The following FAM209B variants were observed in gnomAD, a reference collection of about 807,000 sequenced individuals.
The protein encoded by FAM209B is family with sequence similarity 209 member B.
A neutral mutation model predicts 8.9 loss-of-function variants in FAM209B; 8 were observed. That is an observed-to-expected ratio of 0.90 (90% CI 0.53 to 1.62). The LOEUF is 1.62. FAM209B is among the 40% of genes most tolerant of loss of function. The pLI, the probability that FAM209B is intolerant of heterozygous loss-of-function variation, is 0.00. For synonymous variants in FAM209B, 67 were observed against 75.0 expected (o/e 0.89, Z 0.55); for missense variants, 175 against 205.3 (o/e 0.85, Z 0.90).
chr20:56,534,444 G>A (rs148099272), intron 1 of FAM209B, among the ~76,000 whole-genome samples: 3,095 of 151,768 alleles, frequency 0.02, 112 homozygotes, highest in African/African-American at 0.07. Flanking sequence ...GTGAAACCTC[G>A]TCTTTACTAA....
rs1332270931 is a variant in FAM209B at position 56,533,501 on chromosome 20, G to A, written c.160G>A (p.Gly54Ser). The A allele has an allele frequency of 6.2e-7, 1 of 1,614,174 alleles. No individual in the cohort carries two copies. The highest frequency in any genetic ancestry group is 1.3e-5 in the African/African-American group (1 of 75,052). Residue 54 changes from glycine (G) to serine (S), a missense_variant, in exon 1 of 2, where the codon GGC becomes AGC. By Grantham distance (56) the Gly-to-Ser change is moderately conservative. Coordinates refer to ENST00000371325, the MANE Select transcript of FAM209B (RefSeq NM_001013646.4). Reference sequence around the variant, plus strand: ...GCAGAACCTACCAGAGCACACCCAAGGCTGGCTTGGGAGCAAATGGCTCTG... The same window carrying A: ...GCAGAACCTACCAGAGCACACCCAAAGCTGGCTTGGGAGCAAATGGCTCTG... ...IRQNLPEHTQ[G>S]WLGSKWLWLL...
At chr20:56,536,114 C>A in intron 1 of FAM209B, 58 bp from the exon 2 acceptor site, 1 of 1,407,078 alleles carries the variant, frequency 7.1e-7, no homozygotes, top group Non-Finnish European at 9.6e-7. Context: ...TGTCTTGGAA[C>A]TGTGTCAAAA....
Position 56,536,153 on chromosome 20 carries a change from T to C in FAM209B, c.250-19T>C. The C allele has an allele frequency of 1.3e-6, 2 of 1,512,988 alleles. No individual in the cohort carries two copies. The highest frequency in any genetic ancestry group is 2.3e-5 in the East Asian group (1 of 43,740). The allele number at this position is 1,512,988 out of a possible 1,614,324, so 93.7% of individuals were successfully genotyped here. A position where few individuals can be genotyped will look rare whatever the true frequency, so the allele number is the denominator to read the frequency against. On this transcript the variant is annotated intron_variant, in intron 1 of 1. Transcript: ENST00000371325. ...GCAAAGTCCATGATATTATTGACCT[T>C]GAATATCTTTCTTGACAGGAGCAGA...
intron 1 of FAM209B, among the ~76,000 whole-genome samples, chr20:56,535,240 C>G: frequency 6.7e-6 from 1 of 148,932 alleles, no homozygotes; most frequent in East Asian, 2.0e-4. Context: ...AAAAAATTAG[C>G]TGGTATGGTG....
At chr20:56,534,655 G>A (rs1474387437) in intron 1 of FAM209B, among the ~76,000 whole-genome samples, 2 of 147,598 alleles carry the variant, frequency 1.4e-5, no homozygotes, top group African/African-American at 5.1e-5. Context: ...GGCTGAGGCA[G>A]GAGAATCACT....
chr20:56,534,248 C>T (rs6024938), intron 1 of FAM209B, among the ~76,000 whole-genome samples: 103,047 of 152,058 alleles, frequency 0.68, 36,459 homozygotes, highest in African/African-American at 0.9. Context: ...TTTCCTAGTG[C>T]TTGACTTACT....
At chr20:56,536,139 G>T (rs1442200408) in intron 1 of FAM209B, 33 bp from the exon 2 acceptor site, 2 of 1,495,854 alleles carry the variant, frequency 1.3e-6, no homozygotes, top group Non-Finnish European at 1.8e-6. Context: ...CAAAGTCCAT[G>T]ATATTATTGA....
In FAM209B at chr20:56,536,157, T is replaced by C. The variant is rs761509779; in HGVS notation, c.250-15T>C. ...AGTCCATGATATTATTGACCTTGAA[T>C]ATCTTTCTTGACAGGAGCAGAGTCC... On this transcript the variant is annotated splice_polypyrimidine_tract_variant and intron_variant, in intron 1 of 1. Coordinates refer to ENST00000371325, the MANE Select transcript of FAM209B (RefSeq NM_001013646.4). 1.1e-5 allele frequency: 17 copies of C among 1,515,042 alleles called. No homozygotes were observed. The African/African-American group carries it at 2.4e-4, about 21-fold the overall frequency. 93.8% of individuals were successfully genotyped at this position (1,515,042 alleles called of 1,614,324 possible).
chr20:56,533,524 C>G lies in FAM209B; in HGVS notation c.183C>G (p.Leu61=). Residue 61 remains leucine (L), a synonymous_variant, in exon 1 of 2, where the codon CTC becomes CTG. Transcript: ENST00000371325. ...HTQGWLGSKW[L]WLLFAVVPFV... ...AAGGCTGGCTTGGGAGCAAATGGCT[C>G]TGGCTTTTGTTTGCTGTTGTGCCGT... 4 of 1,614,208 alleles carry G rather than the reference C, an allele frequency of 2.5e-6. 1 individual carries two copies. Among genetic ancestry groups the G allele is most frequent in the Non-Finnish European group, 3.4e-6 (4 of 1,180,040 alleles).
chr20:56,533,600 G>A lies in FAM209B; in HGVS notation c.249+10G>A, dbSNP rs751952835. ...CAGTGAGAAGAATAAGGTAAGGATG[G>A]CTCCATTTTTTTTACACCATATTGA... On this transcript the variant is annotated intron_variant, in intron 1 of 1. Transcript: ENST00000371325. 2 of 1,612,710 alleles carry A rather than the reference G, an allele frequency of 1.2e-6. No individual in the cohort carries two copies. The highest frequency in any genetic ancestry group is 4.5e-5 in the East Asian group (2 of 44,854).
At chr20:56,534,336 C>T (rs532766158) in intron 1 of FAM209B, among the ~76,000 whole-genome samples, 15 of 152,038 alleles carry the variant, frequency 9.9e-5, no homozygotes, top group East Asian at 1.9e-4. Flanking sequence ...AGGTGTAGGC[C>T]GGGCACAGTG....
chr20:56,534,910 G>A (rs556610227), intron 1 of FAM209B, among the ~76,000 whole-genome samples: 78 of 151,496 alleles, frequency 5.1e-4, no homozygotes, highest in African/African-American at 1.4e-3. Context: ...AAAATTAGGC[G>A]TAGTGGCGCA....
chr20:56,533,506 G>A lies in FAM209B; in HGVS notation c.165G>A (p.Trp55Ter). 1 of 1,614,214 alleles carries A rather than the reference G, an allele frequency of 6.2e-7. No homozygotes were observed. Residue 55 changes from tryptophan (W) to a stop codon, truncating the protein, a stop_gained, in exon 1 of 2, where the codon TGG becomes TGA. Coordinates refer to ENST00000371325, the MANE Select transcript of FAM209B (RefSeq NM_001013646.4). LOFTEE classifies it high-confidence loss of function. ...ACCTACCAGAGCACACCCAAGGCTG[G>A]CTTGGGAGCAAATGGCTCTGGCTTT... ...RQNLPEHTQG[W>*]LGSKWLWLLF...
rs779398234 is a variant in FAM209B at position 56,533,336 on chromosome 20, C to A, written c.-6C>A. ...TGAGCAACTCCCTTCCCCATCTCTGCTCACCATGTGGACGCTGAAATCGTC... is the reference window on the plus strand; with the variant it reads ...TGAGCAACTCCCTTCCCCATCTCTGATCACCATGTGGACGCTGAAATCGTC... On this transcript the variant is annotated 5_prime_UTR_variant, in exon 1 of 2. The change creates a premature stop within an existing upstream ORF in the 5' untranslated region. Transcript: ENST00000371325. The A allele has an allele frequency of 6.2e-7, 1 of 1,613,718 alleles. No individual in the cohort carries two copies. The highest frequency in any genetic ancestry group is 8.5e-7 in the Non-Finnish European group (1 of 1,179,614).
rs552367720 is a variant in FAM209B at position 56,533,391 on chromosome 20, G to A, written c.50G>A (p.Ser17Asn). Residue 17 changes from serine (S) to asparagine (N), a missense_variant, in exon 1 of 2, where the codon AGC becomes AAC. By Grantham distance (46) the Ser-to-Asn change is conservative (BLOSUM62 1). Around this residue, in one of 2 missense-constraint regions of FAM209B, gnomAD observed 9 missense variants for 30.8 expected, o/e 0.29. Transcript: ENST00000371325. ...GTCCTGCTTCTGTGCCTCACCTGCAGCTATGCCTTTATGTTCTCTTCTCTG... is the reference window on the plus strand; with the variant it reads ...GTCCTGCTTCTGTGCCTCACCTGCAACTATGCCTTTATGTTCTCTTCTCTG... ...SLVLLLCLTCSYAFMFSSLRQ... is the reference protein window; with the variant it reads ...SLVLLLCLTCNYAFMFSSLRQ... 1 of 1,614,126 alleles carries A rather than the reference G, an allele frequency of 6.2e-7. No individual in the cohort carries two copies. The highest frequency in any genetic ancestry group is 1.3e-5 in the African/African-American group (1 of 75,046).
chr20:56,536,019 C>T (rs1192502467), intron 1 of FAM209B, among the ~76,000 whole-genome samples, 153 bp from the exon 2 acceptor site: 2 of 152,116 alleles, frequency 1.3e-5, no homozygotes, highest in Non-Finnish European at 2.9e-5. Flanking sequence ...TTTACAAAAA[C>T]AGGTGGAGGG....
At chr20:56,534,866 C>T (rs1485615544) in intron 1 of FAM209B, among the ~76,000 whole-genome samples, 1 of 150,346 alleles carries the variant, frequency 6.7e-6, no homozygotes, top group African/African-American at 2.5e-5. Context: ...CCAGCCTGAC[C>T]AACATGGAGA....
At chr20:56,535,237 T>C (rs1299028592) in intron 1 of FAM209B, among the ~76,000 whole-genome samples, 2 of 148,322 alleles carry the variant, frequency 1.3e-5, no homozygotes, top group Admixed American at 6.8e-5. Context: ...AAAAAAAAAT[T>C]AGCTGGTATG....
intron 1 of FAM209B, among the ~76,000 whole-genome samples, chr20:56,534,402 G>T (rs529218245): frequency 1.5e-4 from 23 of 151,786 alleles, no homozygotes; most frequent in Non-Finnish European, 2.8e-4. Context: ...ATCACTTGAG[G>T]TCAGGAGATT....
Sources: gnomAD v4.1 joint callset for allele counts (sites outside exome capture counted in the v4.1 genomes callset) on GRCh38, gnomAD v4.1.1 for gene constraint, gnomAD v4.1.1 regional missense constraint, MANE v1.5 for transcripts, NCBI Gene and HGNC (gene_info 2026-07-23, HGNC 2026-07-21) for gene names.